The following SPPL3 variants were observed in gnomAD, a reference collection of about 807,000 sequenced individuals.
The protein encoded by SPPL3 is signal peptide peptidase like 3.
Under a neutral mutation model 42.4 loss-of-function variants are expected in SPPL3, and 5 were observed. The observed-to-expected ratio is 0.12, with a 90% CI of 0.06 to 0.25. The LOEUF is 0.25. Among genes scored for constraint, SPPL3 ranks in the 10% least tolerant of loss-of-function variants. SPPL3 has a pLI of 1.00. For missense variants in SPPL3, 235 were observed against 489.0 expected (o/e 0.48, Z 4.90); for synonymous variants, 195 against 181.8 (o/e 1.07, Z -0.58).
At chr12:120,894,583 G>C (rs1873743562) in intron 1 of SPPL3, among the ~76,000 whole-genome samples, 1 of 152,188 alleles carries the variant, frequency 6.6e-6, no homozygotes, top group African/African-American at 2.4e-5. Context: ...CAAGAGTGAA[G>C]CCCAAGCCTG....
At chr12:120,770,097 G>T (rs1308253800) in intron 6 of SPPL3, 1 of 152,074 alleles carries the variant, frequency 6.6e-6, no homozygotes, top group African/African-American at 2.4e-5. Flanking sequence ...GCCCAGGCTG[G>T]AGTGCAGTCA....
At chr12:120,827,170 C>G (rs1173225069) in intron 1 of SPPL3, among the ~76,000 whole-genome samples, 1 of 151,758 alleles carries the variant, frequency 6.6e-6, no homozygotes, top group African/African-American at 2.4e-5. Context: ...GGGCCACAAA[C>G]AGCCAAACAA....
At chr12:120,846,253 T>C (rs1384039426) in intron 1 of SPPL3, among the ~76,000 whole-genome samples, 1 of 152,204 alleles carries the variant, frequency 6.6e-6, no homozygotes, top group Admixed American at 6.5e-5. Context: ...GACTGAATAA[T>C]TGAAAAGTAG....
intron 1 of SPPL3, among the ~76,000 whole-genome samples, chr12:120,839,805 C>T (rs963867970): frequency 6.6e-6 from 1 of 152,006 alleles, no homozygotes; most frequent in Admixed American, 6.6e-5. Flanking sequence ...AGCAATCCCA[C>T]TCCTAGGTAT....
chr12:120,764,838 T>C lies in SPPL3; in HGVS notation c.*161A>G. 1.3e-6 allele frequency: 1 copy of C among 742,142 alleles called. No individual in the cohort carries two copies. Among genetic ancestry groups the C allele is most frequent in the Non-Finnish European group, 2.1e-6 (1 of 474,318 alleles). The allele number at this position is 742,142 out of a possible 1,614,324, so 46.0% of individuals were successfully genotyped here. A position where few individuals can be genotyped will look rare whatever the true frequency, so the allele number is the denominator to read the frequency against. On this transcript the variant is annotated 3_prime_UTR_variant, in exon 11 of 11. Coordinates refer to ENST00000353487, the MANE Select transcript of SPPL3 (RefSeq NM_139015.5). ...GAACCAAACAGGGCTCCAGCACCTC[T>C]CTCCTGCAAACGAGCTCCCTTTAAA... is the stretch of plus-strand genomic sequence containing the variant.
chr12:120,888,003 A>G (rs1566070315), intron 1 of SPPL3, among the ~76,000 whole-genome samples: 1 of 152,244 alleles, frequency 6.6e-6, no homozygotes, highest in African/African-American at 2.4e-5. Context: ...TTTACTCCAA[A>G]GTATTCACCC....
At chr12:120,780,626 G>T (rs527588377) in intron 6 of SPPL3, among the ~76,000 whole-genome samples, 1 of 149,258 alleles carries the variant, frequency 6.7e-6, no homozygotes, top group Non-Finnish European at 1.5e-5. Context: ...GGTGGCTCAC[G>T]CCTGTAATCC....
At chr12:120,778,110 A>AGTTTT (rs1869393964) in intron 6 of SPPL3, among the ~76,000 whole-genome samples, 3 of 80,536 alleles carry the variant, frequency 3.7e-5, no homozygotes, top group African/African-American at 1.3e-4. Flanking sequence ...ACTGAAAAGC[A>AGTTTT]ATTTTTTTTT....
intron 6 of SPPL3, among the ~76,000 whole-genome samples, chr12:120,775,185 C>A (rs1245917695): frequency 6.6e-6 from 1 of 152,202 alleles, no homozygotes; most frequent in Non-Finnish European, 1.5e-5. Context: ...GAGTCTCACT[C>A]TGTTGCCCAG....
intron 2 of SPPL3, among the ~76,000 whole-genome samples, chr12:120,794,300 A>T (rs1870024825): frequency 6.6e-6 from 1 of 152,206 alleles, no homozygotes; most frequent in South Asian, 2.1e-4. Context: ...ACCACTAGAC[A>T]ACAGGGATTA....
At chr12:120,884,565 AC>A (rs1367397278) in intron 1 of SPPL3, among the ~76,000 whole-genome samples, 10 of 145,504 alleles carry the variant, frequency 6.9e-5, no homozygotes, top group Admixed American at 4.2e-4. Context: ...AAAAAAAAAA[AC>A]CAACTGTCAC....
chr12:120,786,988 A>T (rs751855261), intron 3 of SPPL3, among the ~76,000 whole-genome samples: 1 of 152,248 alleles, frequency 6.6e-6, no homozygotes, highest in Admixed American at 6.5e-5. Context: ...AAAATTTTGT[A>T]CAGCAACATC....
Position 120,768,829 on chromosome 12 carries a change from GGAGA to G in SPPL3, c.609+120_609+123del. ...CACACCCATGATACAGTTAAGGACTGGAGAGAGAGTGATCAGCAGCTGGGCAAGC... is the reference window on the plus strand; with the variant it reads ...CACACCCATGATACAGTTAAGGACTGGAGAGTGATCAGCAGCTGGGCAAGC... On this transcript the variant is annotated intron_variant, in intron 7 of 10. Coordinates refer to ENST00000353487, the MANE Select transcript of SPPL3 (RefSeq NM_139015.5). 7.5e-6 allele frequency: 6 copies of G among 799,178 alleles called. 1 individual carries two copies. The South Asian group carries it at 8.5e-5, about 11-fold the overall frequency. The allele number at this position is 799,178 out of a possible 1,614,324, so 49.5% of individuals were successfully genotyped here.
intron 1 of SPPL3, among the ~76,000 whole-genome samples, chr12:120,841,901 A>G (rs142368108): frequency 9.8e-5 from 15 of 152,322 alleles, no homozygotes; most frequent in African/African-American, 3.6e-4. Context: ...TTTACCACTA[A>G]TCAATAGCCC....
intron 1 of SPPL3, among the ~76,000 whole-genome samples, chr12:120,894,945 TCAAACAAA>T (rs61465383): frequency 0.4 from 60,035 of 150,418 alleles, 13,821 homozygotes; most frequent in Middle Eastern, 0.56. Context: ...AGAGTCCGTC[TCAAACAAA>T]CAAACAAACA....
At chr12:120,874,401 T>C (rs1462708467) in intron 1 of SPPL3, among the ~76,000 whole-genome samples, 6 of 138,438 alleles carry the variant, frequency 4.3e-5, no homozygotes, top group Admixed American at 3.2e-4. Context: ...TGCAGTGAGC[T>C]GAGATTGCGC....
At chr12:120,804,765 ATATGT>A (rs920646031) in intron 2 of SPPL3, among the ~76,000 whole-genome samples, 1 of 152,170 alleles carries the variant, frequency 6.6e-6, no homozygotes, top group Non-Finnish European at 1.5e-5. Context: ...AGGGCAATAA[ATATGT>A]TATGTCTGCA....
rs370929659 is a variant in SPPL3 at position 120,891,830 on chromosome 12, T to C, written c.23+12015A>G. Among the ~76,000 whole-genome samples the C allele has an allele frequency of 2.6e-5, 4 of 151,416 alleles. No homozygotes were observed. The East Asian group carries it at 7.8e-4, about 29-fold the overall frequency. Reference sequence around the variant, plus strand: ...TTAATAAATGGCTGTTTGGGAAATATAAAGTATAAATAAACTTGTATTTTA... The same window carrying C: ...TTAATAAATGGCTGTTTGGGAAATACAAAGTATAAATAAACTTGTATTTTA... On this transcript the variant is annotated intron_variant, in intron 1 of 10. Transcript: ENST00000353487.
intron 5 of SPPL3, 135 bp from the exon 6 acceptor site, chr12:120,782,902 C>T (rs1869592495): frequency 3.1e-6 from 2 of 649,846 alleles, no homozygotes; most frequent in East Asian, 2.9e-5. Flanking sequence ...ATACCCAATC[C>T]TTTTTTGGAG....
Sources: gnomAD v4.1 joint callset for allele counts (sites outside exome capture counted in the v4.1 genomes callset) on GRCh38, gnomAD v4.1.1 for gene constraint, MANE v1.5 for transcripts, NCBI Gene and HGNC (gene_info 2026-07-23, HGNC 2026-07-21) for gene names.